SPATA6L: variants seen among roughly 807,000 people sequenced by gnomAD.
SPATA6L encodes spermatogenesis associated 6-like protein.
Under a neutral mutation model 49.2 loss-of-function variants are expected in SPATA6L, and 68 were observed. The ratio of observed to expected loss-of-function variants is 1.38; its 90% confidence interval spans 1.14 to 1.69. The LOEUF (loss-of-function observed/expected upper bound fraction) is 1.69, where lower values mean the gene tolerates loss of function less well. SPATA6L is among the 40% of genes most tolerant of loss of function. The pLI is 0.00. For missense variants in SPATA6L, 668 were observed against 464.3 expected, an observed-to-expected ratio of 1.44 and a Z score of -4.03; for synonymous variants, 198 against 165.7, an observed-to-expected ratio of 1.19 and a Z score of -1.50.
At chr9:4,632,501 C>G (rs1429747279) in intron 4 of SPATA6L, among the ~76,000 whole-genome samples, 1 of 150,834 alleles carries the variant, frequency 6.6e-6, no homozygotes, top group Admixed American at 6.6e-5. Context: ...GAAGCTGAGG[C>G]AGGAGAATCA....
rs538637686 is a variant in SPATA6L at position 4,621,349 on chromosome 9, G to A, written c.772+1059C>T. Among the ~76,000 whole-genome samples, 39 of 152,290 alleles carry A rather than the reference G, an allele frequency of 2.6e-4. 1 individual carries two copies. The South Asian group carries it at 7.7e-3, about 30-fold the overall frequency. On this transcript the variant is annotated intron_variant, in intron 7 of 11. Coordinates refer to ENST00000682582, the MANE Select transcript of SPATA6L (RefSeq NM_001353486.2). Reference sequence around the variant, plus strand: ...CAAGACCTTTCAGGAGATCTGCAACGTCAAACTGTTTTCATAATAATACTA... The same window carrying A: ...CAAGACCTTTCAGGAGATCTGCAACATCAAACTGTTTTCATAATAATACTA...
At chr9:4,592,849 C>A (rs1821998090) in intron 13 of SPATA6L, among the ~76,000 whole-genome samples, 1 of 152,200 alleles carries the variant, frequency 6.6e-6, no homozygotes, top group Non-Finnish European at 1.5e-5. Flanking sequence ...ATGGCATAGA[C>A]TTTGGTGATG....
At chr9:4,630,241 A>G (rs1425240809) in intron 4 of SPATA6L, among the ~76,000 whole-genome samples, 1 of 152,168 alleles carries the variant, frequency 6.6e-6, no homozygotes, top group Admixed American at 6.5e-5. Context: ...ACAAATCTAT[A>G]CATGTGTTAA....
At chr9:4,625,167 T>C in intron 6 of SPATA6L, 160 bp downstream of exon 6, 2 of 1,308,804 alleles carry the variant, frequency 1.5e-6, no homozygotes, top group Non-Finnish European at 2.0e-6. Flanking sequence ...CTGACAACGA[T>C]CTAGGAAATG....
chr9:4,590,364 A>G (rs1821828134), intron 13 of SPATA6L, among the ~76,000 whole-genome samples: 1 of 152,200 alleles, frequency 6.6e-6, no homozygotes, highest in Admixed American at 6.5e-5. Flanking sequence ...CTAAGCAAGC[A>G]GTGAGATCTA....
At chr9:4,649,064 CA>C (rs2130706605) in intron 3 of SPATA6L, among the ~76,000 whole-genome samples, 1 of 390 alleles carries the variant, frequency 2.6e-3, no homozygotes, top group Non-Finnish European at 7.5e-3. Context: ...TAGAAATATA[CA>C]CACACACACA....
At position 4,625,324 on chromosome 9, in the gene SPATA6L, C is replaced by A; in HGVS notation, c.669+3G>T. The A allele has an allele frequency of 6.2e-7, 1 of 1,610,954 alleles. No individual in the cohort carries two copies. Among genetic ancestry groups the A allele is most frequent in the South Asian group, 1.1e-5 (1 of 90,514 alleles). On this transcript the variant is annotated splice_donor_region_variant and intron_variant, in intron 6 of 11. Coordinates refer to ENST00000682582, the MANE Select transcript of SPATA6L (RefSeq NM_001353486.2). ...ATGCTCTAAAAAATAATTTTAGGCT[C>A]ACGTGTCTAACAACAAATGGAGGCT...
chr9:4,662,287 G>T lies in SPATA6L; in HGVS notation c.40-251C>A, dbSNP rs1839985867. ...GCCGGCTCCTCTCCCCGCCCCTCCG[G>T]GATGGTAGTGCGGAAGCGGAAGAGG... On this transcript the variant is annotated intron_variant, in intron 1 of 11. Transcript: ENST00000682582. This position sits in a 1 kb window ranked among gnomAD's most constrained non-coding sequence, Gnocchi z 4.9. The T allele has an allele frequency of 2.8e-6, 4 of 1,434,578 alleles. No individual in the cohort carries two copies. The highest frequency in any genetic ancestry group is 3.6e-6 in the Non-Finnish European group (4 of 1,099,518). The allele number at this position is 1,434,578 out of a possible 1,614,324, so 88.9% of individuals were successfully genotyped here. A position where few individuals can be genotyped will look rare whatever the true frequency, so the allele number is the denominator to read the frequency against.
chr9:4,630,424 C>T (rs1250995001), intron 4 of SPATA6L, among the ~76,000 whole-genome samples: 3 of 152,222 alleles, frequency 2.0e-5, no homozygotes, highest in Admixed American at 1.3e-4. Context: ...CTAAATTACA[C>T]TGTCTCCACC....
At chr9:4,655,259 G>C (rs1837857597) in intron 3 of SPATA6L, among the ~76,000 whole-genome samples, 1 of 152,184 alleles carries the variant, frequency 6.6e-6, no homozygotes, top group African/African-American at 2.4e-5. Context: ...GATGAATCTT[G>C]AAAACATTAC....
rs976478003 is a variant in SPATA6L at position 4,619,515 on chromosome 9, G to C, written c.773-617C>G. On this transcript the variant is annotated intron_variant, in intron 7 of 11. Transcript: ENST00000682582. ...GGTAAAGCAAGTCTAAAGTGAATGA[G>C]TAAGTTCAATAACCCTTAAGCAGCC... Among the ~76,000 whole-genome samples, 3 of 152,200 alleles carry C rather than the reference G, an allele frequency of 2.0e-5. No homozygotes were observed. In the South Asian group the frequency reaches 6.2e-4, roughly 32 times the overall value.
rs374418793 is a variant in SPATA6L, at chr9:4,600,327, C to T, written c.*484G>A. On this transcript the variant is annotated 3_prime_UTR_variant, in exon 12 of 12. Coordinates refer to ENST00000682582, the MANE Select transcript of SPATA6L (RefSeq NM_001353486.2). ...TGGACTTCACGTAAATCAAGCCTAA[C>T]ACTAAGAAATAAACAAACAACAACA... 1.3e-5 allele frequency among the ~76,000 whole-genome samples: 2 copies of T among 152,134 alleles called. No homozygotes were observed. Among genetic ancestry groups the T allele is most frequent in the Non-Finnish European group, 2.9e-5 (2 of 68,016 alleles).
chr9:4,645,414 G>A (rs1835150259), intron 3 of SPATA6L, among the ~76,000 whole-genome samples: 2 of 152,156 alleles, frequency 1.3e-5, no homozygotes, highest in African/African-American at 2.4e-5. Context: ...GAAGTCCATG[G>A]TTGAGGGGCT....
chr9:4,655,618 G>A (rs1455766130), intron 3 of SPATA6L, among the ~76,000 whole-genome samples: 6 of 150,906 alleles, frequency 4.0e-5, no homozygotes, highest in Admixed American at 6.6e-5. Flanking sequence ...GCACGATTTC[G>A]GCTCACTGTA....
At chr9:4,652,660 GCAGAAA>G (rs1837185658) in intron 3 of SPATA6L, among the ~76,000 whole-genome samples, 1 of 151,550 alleles carries the variant, frequency 6.6e-6, no homozygotes, top group Non-Finnish European at 1.5e-5. Context: ...TGACCAACAT[GCAGAAA>G]CCCCGTTTCT....
chr9:4,647,239 C>A (rs978197394), intron 3 of SPATA6L, among the ~76,000 whole-genome samples: 2 of 152,128 alleles, frequency 1.3e-5, no homozygotes, highest in African/African-American at 4.8e-5. Context: ...CATTAACATA[C>A]AAAAGTTTAT....
rs572124054 is a variant in SPATA6L at position 4,635,379 on chromosome 9, A to G, written c.247T>C (p.Tyr83His). 8.5e-5 allele frequency: 135 copies of G among 1,593,176 alleles called. 4 individuals are homozygous for G. In the South Asian group the frequency reaches 1.5e-3, roughly 18 times the overall value. The change falls in exon 4 of 12, where the codon TAC (tyrosine) becomes CAC (histidine). Residue 83 changes from tyrosine to histidine, a missense_variant. Physicochemically the swap from Tyr to His is moderately conservative, Grantham distance 83 (BLOSUM62 2). Coordinates refer to ENST00000682582, the MANE Select transcript of SPATA6L (RefSeq NM_001353486.2). Reference protein sequence around the residue: ...LLEMWDELAYYEENTRDFLFP... With the variant: ...LLEMWDELAYHEENTRDFLFP... ...AGAAAATCTCGTGTGTTTTCTTCGTAGTAGGCCAACTCATCCCACACTAGA... is the reference window on the plus strand; with the variant it reads ...AGAAAATCTCGTGTGTTTTCTTCGTGGTAGGCCAACTCATCCCACACTAGA...
chr9:4,648,654 T>C (rs112271296), intron 3 of SPATA6L, among the ~76,000 whole-genome samples: 25,981 of 150,088 alleles, frequency 0.17, 3,446 homozygotes, highest in African/African-American at 0.37. Context: ...GAGCCGAGAT[T>C]GCGCCACTGC....
At chr9:4,622,907 G>C (rs1264572961) in intron 6 of SPATA6L, among the ~76,000 whole-genome samples, 1 of 152,146 alleles carries the variant, frequency 6.6e-6, no homozygotes, top group Non-Finnish European at 1.5e-5. Flanking sequence ...CTCAGTGACA[G>C]CAAGGGATTC....
Sources: allele counts gnomAD v4.1 joint callset (sites outside exome capture counted in the v4.1 genomes callset), GRCh38; gene constraint gnomAD v4.1.1; non-coding constraint Gnocchi (gnomAD v3.1); transcripts MANE v1.5; gene names NCBI Gene and HGNC (gene_info 2026-07-23, HGNC 2026-07-21).